The following DLG2 variants were observed in gnomAD, a reference collection of about 807,000 sequenced individuals.
DLG2 encodes discs large MAGUK scaffold protein 2, also known as disks large homolog 2.
In DLG2, 45 loss-of-function variants were observed where a neutral mutation model predicts 132.5. The ratio of observed to expected loss-of-function variants is 0.34; its 90% CI spans 0.27 to 0.44. The LOEUF is 0.44. Ranked by LOEUF, DLG2 falls within the 20% of genes least tolerant of loss-of-function variation. The pLI is 1.00. For synonymous variants in DLG2, 424 were observed against 419.6 expected (o/e 1.01, Z -0.13); for missense variants, 1,045 against 1,196.9 (o/e 0.87, Z 1.87).
intron 6 of DLG2, among the ~76,000 whole-genome samples, chr11:84,567,690 T>C (rs2099462727): frequency 6.6e-6 from 1 of 152,170 alleles, no homozygotes. Flanking sequence ...CAACAATTGG[T>C]ATCACACAGG....
chr11:84,705,915 T>C (rs184494678), intron 6 of DLG2, among the ~76,000 whole-genome samples: 107 of 151,942 alleles, frequency 7.0e-4, no homozygotes, highest in African/African-American at 2.5e-3. Flanking sequence ...ATTGAACTTA[T>C]GTTGTAAGCA....
chr11:84,857,740 T>G (rs1236392160), intron 6 of DLG2, among the ~76,000 whole-genome samples: 1 of 152,106 alleles, frequency 6.6e-6, no homozygotes, highest in Non-Finnish European at 1.5e-5. Flanking sequence ...ACAGTCTAAG[T>G]TGGATTCTGT....
chr11:85,622,642 G>T (rs891010133), intron 2 of DLG2, among the ~76,000 whole-genome samples: 1 of 144,798 alleles, frequency 6.9e-6, no homozygotes, highest in African/African-American at 2.5e-5. Context: ...AAAAAAAAAA[G>T]AAATGACACT....
intron 14 of DLG2, among the ~76,000 whole-genome samples, chr11:83,938,013 T>C (rs970708673): frequency 5.9e-5 from 9 of 152,148 alleles, no homozygotes; most frequent in East Asian, 1.9e-4. Flanking sequence ...AAAGTTTCTA[T>C]AGAAGGAAAG....
At chr11:83,994,313 C>T (rs2093900346) in intron 11 of DLG2, among the ~76,000 whole-genome samples, 1 of 152,128 alleles carries the variant, frequency 6.6e-6, no homozygotes. Context: ...TGGATAGTTA[C>T]CACTTTGAAG....
rs575562785 is a variant in DLG2, at chr11:85,155,457, T to C, written c.187-806A>G. On this transcript the variant is annotated intron_variant, in intron 4 of 27. Coordinates refer to ENST00000376104, the MANE Select transcript of DLG2 (RefSeq NM_001142699.3). Reference sequence around the variant, plus strand: ...GGATGGAATTCTGACAGATTCATAGTGTTCTGGAAGAGGAAGGATCAGAGA... The same window carrying C: ...GGATGGAATTCTGACAGATTCATAGCGTTCTGGAAGAGGAAGGATCAGAGA... Among the ~76,000 whole-genome samples, 5 of 152,306 alleles carry C rather than the reference T, an allele frequency of 3.3e-5. No homozygotes were observed. The East Asian group carries it at 9.6e-4, about 29-fold the overall frequency.
intron 6 of DLG2, among the ~76,000 whole-genome samples, chr11:84,850,942 A>G (rs2082093879): frequency 6.6e-6 from 1 of 152,126 alleles, no homozygotes; most frequent in African/African-American, 2.4e-5. Context: ...AAGGCTTAAT[A>G]CTGTTAAGAT....
At chr11:85,078,349 G>A (rs1158949202) in intron 6 of DLG2, among the ~76,000 whole-genome samples, 11 of 151,412 alleles carry the variant, frequency 7.3e-5, no homozygotes, top group African/African-American at 4.9e-5. Flanking sequence ...GGAAGTGAGC[G>A]AACTAGTTAT....
chr11:83,549,272 A>T (rs1038855883), intron 19 of DLG2, among the ~76,000 whole-genome samples: 9 of 152,178 alleles, frequency 5.9e-5, no homozygotes, highest in Admixed American at 5.9e-4. Flanking sequence ...AGCACATATG[A>T]ATAGTGCAAG....
intron 7 of DLG2, chr11:84,316,983 C>T: frequency 6.2e-7 from 1 of 1,612,818 alleles, no homozygotes; most frequent in Non-Finnish European, 8.5e-7. Context: ...CCCCCTGGTC[C>T]TGAGGAGGGC....
At chr11:84,882,012 ATTG>A (rs1276638508) in intron 6 of DLG2, among the ~76,000 whole-genome samples, 1 of 152,128 alleles carries the variant, frequency 6.6e-6, no homozygotes, top group Non-Finnish European at 1.5e-5. Context: ...ATTTGTGGCT[ATTG>A]TTCTCAGATT....
chr11:85,546,006 TATTA>T (rs1030350622), intron 3 of DLG2, among the ~76,000 whole-genome samples: 11 of 152,226 alleles, frequency 7.2e-5, no homozygotes, highest in African/African-American at 1.2e-4. Context: ...TCTGCTCTGA[TATTA>T]ATTATTTCTT....
At chr11:84,383,236 T>C (rs1277191866) in intron 7 of DLG2, among the ~76,000 whole-genome samples, 1 of 152,028 alleles carries the variant, frequency 6.6e-6, no homozygotes, top group African/African-American at 2.4e-5. Flanking sequence ...AAATATCATG[T>C]GTTAGCACGG....
intron 11 of DLG2, among the ~76,000 whole-genome samples, chr11:84,027,643 C>T (rs1428494521): frequency 6.6e-6 from 1 of 151,736 alleles, no homozygotes; most frequent in African/African-American, 2.4e-5. Flanking sequence ...GGAGAAACAC[C>T]TTTTGGGATA....
At chr11:85,355,630 G>T (rs1357106561) in intron 3 of DLG2, among the ~76,000 whole-genome samples, 2 of 152,154 alleles carry the variant, frequency 1.3e-5, no homozygotes, top group African/African-American at 4.8e-5. Flanking sequence ...TTTGTTTGAG[G>T]CATGTGCTTT....
At chr11:84,717,875 C>G (rs1056276843) in intron 6 of DLG2, among the ~76,000 whole-genome samples, 2 of 152,082 alleles carry the variant, frequency 1.3e-5, no homozygotes, top group African/African-American at 4.8e-5. Context: ...GTAATATATA[C>G]TGCAGTAGTT....
chr11:85,617,338 C>G (rs2081405158), intron 2 of DLG2, among the ~76,000 whole-genome samples: 1 of 152,214 alleles, frequency 6.6e-6, no homozygotes, highest in African/African-American at 2.4e-5. Context: ...CCCACATTGT[C>G]TGGTAAACTT....
At chr11:85,585,073 G>A (rs532371427) in intron 3 of DLG2, among the ~76,000 whole-genome samples, 1 of 152,232 alleles carries the variant, frequency 6.6e-6, no homozygotes, top group East Asian at 1.9e-4. Context: ...TGAGGTCTTT[G>A]CCTAAGCCAA....
At chr11:84,885,894 T>G (rs1239541731) in intron 6 of DLG2, among the ~76,000 whole-genome samples, 1 of 152,068 alleles carries the variant, frequency 6.6e-6, no homozygotes, top group African/African-American at 2.4e-5. Flanking sequence ...TTATTCTCAA[T>G]AGATACATGA....
Sources: gnomAD v4.1 joint callset for allele counts (sites outside exome capture counted in the v4.1 genomes callset) on GRCh38, gnomAD v4.1.1 for gene constraint, MANE v1.5 for transcripts, NCBI Gene and HGNC (gene_info 2026-07-23, HGNC 2026-07-21) for gene names.